RB1CC1: variants seen among roughly 807,000 people sequenced by gnomAD.
The protein encoded by RB1CC1 is RB1-inducible coiled-coil protein 1.
In RB1CC1, 46 loss-of-function variants were observed where a neutral mutation model predicts 177.5. That is an observed-to-expected ratio of 0.26 (90% CI 0.20 to 0.33). The LOEUF (loss-of-function observed/expected upper bound fraction) is 0.33. Among genes scored for constraint, RB1CC1 ranks in the 10% least tolerant of loss-of-function variants. The probability of loss-of-function intolerance (pLI) is 1.00; values close to 1 mark genes in which losing one functional copy is unlikely to be tolerated. For missense variants in RB1CC1, 1,703 were observed against 1,816.3 expected, an observed-to-expected ratio of 0.94 and a Z score of 1.13; for synonymous variants, 666 against 613.6, an observed-to-expected ratio of 1.09 and a Z score of -1.26.
chr8:52,657,490 G>C lies in RB1CC1; in HGVS notation c.2339C>G (p.Thr780Arg). 1.9e-6 allele frequency: 3 copies of C among 1,613,780 alleles called. No homozygotes were observed. The highest frequency in any genetic ancestry group is 2.5e-6 in the Non-Finnish European group (3 of 1,180,006). ...AAAATCCTCCTTACCACATACATTT[G>C]TATCCTGCATTCGTCTACTGTCTAT... ...NAIDSRRMQD[T>R]NVCGKEDFGD... The change falls in exon 15 of 24, where the codon ACA becomes AGA. Residue 780 changes from threonine (T) to arginine (R), a missense_variant. Transcript: ENST00000025008.
intron 22 of RB1CC1, among the ~76,000 whole-genome samples, chr8:52,626,170 T>C (rs1286221909): frequency 6.6e-6 from 1 of 152,108 alleles, no homozygotes; most frequent in Non-Finnish European, 1.5e-5. Flanking sequence ...ACTCTGGTAA[T>C]CCGCACTCTC....
At chr8:52,624,384 G>A (rs766478670) in intron 23 of RB1CC1, among the ~76,000 whole-genome samples, 5 of 152,052 alleles carry the variant, frequency 3.3e-5, no homozygotes, top group African/African-American at 4.8e-5. Context: ...AAGATCAACT[G>A]TATTTATAAA....
intron 15 of RB1CC1, among the ~76,000 whole-genome samples, chr8:52,649,828 A>G (rs1398554931): frequency 1.3e-5 from 2 of 152,232 alleles, no homozygotes; most frequent in Non-Finnish European, 2.9e-5. Flanking sequence ...AAGGTACAGG[A>G]GAAAGCTTTC....
chr8:52,688,868 T>A (rs1300373326), intron 1 of RB1CC1, among the ~76,000 whole-genome samples: 1 of 152,290 alleles, frequency 6.6e-6, no homozygotes, highest in East Asian at 1.9e-4. Flanking sequence ...TCTCTTTATT[T>A]CTCAGCCGGC....
chr8:52,677,693 A>T (rs541944091), intron 5 of RB1CC1, among the ~76,000 whole-genome samples: 3 of 152,346 alleles, frequency 2.0e-5, no homozygotes, highest in African/African-American at 7.2e-5. Context: ...AAAGTAAATA[A>T]GTAAGATGGT....
intron 1 of RB1CC1, among the ~76,000 whole-genome samples, chr8:52,688,991 G>GA (rs1854562646): frequency 6.6e-6 from 1 of 152,104 alleles, no homozygotes; most frequent in Admixed American, 6.6e-5. Context: ...CCAAAGTTTG[G>GA]GAGGGATCTC....
In RB1CC1 at chr8:52,683,712, T is replaced by C. The variant is rs773877495; in HGVS notation, c.206A>G (p.Asn69Ser). 1 of 1,584,176 alleles carries C rather than the reference T, an allele frequency of 6.3e-7. No individual in the cohort carries two copies. The highest frequency in any genetic ancestry group is 2.2e-5 in the East Asian group (1 of 44,522). Reference sequence around the variant, plus strand: ...TTCTTTGTTAAAAAGAAAAATTGGATTTGTATCCTATATTTTTTAAAAAAG... The same window carrying C: ...TTCTTTGTTAAAAAGAAAAATTGGACTTGTATCCTATATTTTTTAAAAAAG... ...VCTYSAGTDT[N>S]PIFLFNKEMI... is the part of the protein sequence containing the mutation. Residue 69 changes from asparagine to serine, a missense_variant, in exon 5 of 24, where the codon AAT (asparagine) becomes AGT (serine). Physicochemically the swap from Asn to Ser is conservative, Grantham distance 46. Transcript: ENST00000025008.
chr8:52,629,786 A>C (rs777018195), intron 21 of RB1CC1, among the ~76,000 whole-genome samples: 32 of 152,190 alleles, frequency 2.1e-4, no homozygotes, highest in Non-Finnish European at 3.8e-4. Flanking sequence ...ACTGCCAATC[A>C]GAAAACTTTA....
At chr8:52,679,997 T>C (rs1448472328) in intron 5 of RB1CC1, among the ~76,000 whole-genome samples, 2 of 152,180 alleles carry the variant, frequency 1.3e-5, no homozygotes, top group East Asian at 3.9e-4. Context: ...GGGGATCCCC[T>C]GTGATCCAGG....
chr8:52,622,536 T>C lies in RB1CC1; in HGVS notation c.*1246A>G, dbSNP rs187853102. On this transcript the variant is annotated 3_prime_UTR_variant, in exon 24 of 24. Coordinates refer to ENST00000025008, the MANE Select transcript of RB1CC1 (RefSeq NM_014781.5). ...CTATGATGTTTATTCCATTTTGTAC[T>C]ATTAGATATACATATTTAAAAAAAT... The C allele has an allele frequency of 2.0e-5, 3 of 152,112 alleles. No individual in the cohort carries two copies. The highest frequency in any genetic ancestry group is 3.9e-4 in the East Asian group (2 of 5,190). The allele number at this position is 152,112 out of a possible 1,614,324, so 9.4% of individuals were successfully genotyped here.
At position 52,657,760 on chromosome 8, in the gene RB1CC1, A is replaced by G; in HGVS notation, c.2069T>C (p.Leu690Ser). 2 of 1,614,064 alleles carry G rather than the reference A, an allele frequency of 1.2e-6. No individual in the cohort carries two copies. The highest frequency in any genetic ancestry group is 1.7e-6 in the Non-Finnish European group (2 of 1,179,992). ...ATGTGCATCAATACTATCTGGAGATAATTCTTCTAAGGGACAAACTGCAGG... is the reference window on the plus strand; with the variant it reads ...ATGTGCATCAATACTATCTGGAGATGATTCTTCTAAGGGACAAACTGCAGG... ...LCPAVCPLEE[L>S]SPDSIDAHTF... is the part of the protein sequence containing the mutation. The change falls in exon 15 of 24, where the codon TTA becomes TCA. Residue 690 changes from leucine (L) to serine (S), a missense_variant. By Grantham distance (145) the Leu-to-Ser change is moderately radical. This residue lies in a region of RB1CC1 where 1,169 missense variants were observed against 1,184.7 expected (regional missense o/e 0.99). Transcript: ENST00000025008.
chr8:52,649,212 T>A (rs1339171228), intron 15 of RB1CC1, among the ~76,000 whole-genome samples: 1 of 152,168 alleles, frequency 6.6e-6, no homozygotes, highest in Non-Finnish European at 1.5e-5. Context: ...GTTGTCCAAC[T>A]AAAAGAAACT....
intron 1 of RB1CC1, among the ~76,000 whole-genome samples, chr8:52,710,823 T>G (rs1477520212): frequency 6.6e-6 from 1 of 152,142 alleles, no homozygotes; most frequent in African/African-American, 2.4e-5. Flanking sequence ...TATAACCAAA[T>G]TATTAAACCA....
At chr8:52,683,082 A>G (rs1853918509) in intron 5 of RB1CC1, among the ~76,000 whole-genome samples, 1 of 152,216 alleles carries the variant, frequency 6.6e-6, no homozygotes, top group Admixed American at 6.5e-5. Context: ...ATAGTAAATT[A>G]AAAAGGAAAA....
intron 1 of RB1CC1, among the ~76,000 whole-genome samples, chr8:52,692,328 A>T (rs1854948541): frequency 6.6e-6 from 1 of 152,168 alleles, no homozygotes; most frequent in Admixed American, 6.5e-5. Context: ...GGGGGAAAAA[A>T]GCTACAAAAA....
intron 20 of RB1CC1, among the ~76,000 whole-genome samples, chr8:52,631,488 GTAAT>G (rs1237178893): frequency 6.6e-6 from 1 of 152,152 alleles, no homozygotes; most frequent in Non-Finnish European, 1.5e-5. Flanking sequence ...GAATTTAGAA[GTAAT>G]TAAACTTTCC....
intron 1 of RB1CC1, among the ~76,000 whole-genome samples, chr8:52,713,791 C>G (rs1857263224): frequency 6.6e-6 from 1 of 152,240 alleles, no homozygotes; most frequent in African/African-American, 2.4e-5. Flanking sequence ...AAGCCGCAGG[C>G]AGCCCCGCAG....
chr8:52,679,923 A>G (rs533337554), intron 5 of RB1CC1, among the ~76,000 whole-genome samples: 1 of 152,272 alleles, frequency 6.6e-6, no homozygotes, highest in Admixed American at 6.5e-5. Flanking sequence ...AATTTTGTCC[A>G]AGGAGAAGGA....
intron 5 of RB1CC1, among the ~76,000 whole-genome samples, chr8:52,679,014 T>C (rs946414614): frequency 6.6e-6 from 1 of 152,058 alleles, no homozygotes; most frequent in Non-Finnish European, 1.5e-5. Context: ...AGGAAACAAC[T>C]ACCACCCCAC....
Sources: allele counts gnomAD v4.1 joint callset (sites outside exome capture counted in the v4.1 genomes callset), GRCh38; gene constraint gnomAD v4.1.1; regional missense constraint gnomAD v4.1.1; transcripts MANE v1.5; gene names NCBI Gene and HGNC (gene_info 2026-07-23, HGNC 2026-07-21).